C13orf42: variants seen among roughly 807,000 people sequenced by gnomAD.
C13orf42 encodes the protein uncharacterized protein C13orf42.
chr13:51,126,454 A>G (rs1439561666), intron 1 of C13orf42, among the ~76,000 whole-genome samples: 6 of 152,234 alleles, frequency 3.9e-5, no homozygotes, highest in Non-Finnish European at 8.8e-5. Flanking sequence ...GCAGGAGGGC[A>G]TATTAAAATT....
intron 1 of C13orf42, among the ~76,000 whole-genome samples, chr13:51,169,016 ATAAC>A (rs928509401): frequency 1.3e-5 from 2 of 152,230 alleles, no homozygotes; most frequent in Non-Finnish European, 2.9e-5. Flanking sequence ...TGCTTTATAA[ATAAC>A]CCAGTTTCGG....
At chr13:51,092,062 T>C (rs1953186015) in intron 1 of C13orf42, among the ~76,000 whole-genome samples, 4 of 152,330 alleles carry the variant, frequency 2.6e-5, no homozygotes, top group Middle Eastern at 6.8e-3. Flanking sequence ...ACTTTCCCAT[T>C]CTGATCTCTT....
At chr13:51,154,981 A>C (rs1447269772) in intron 1 of C13orf42, among the ~76,000 whole-genome samples, 1 of 152,320 alleles carries the variant, frequency 6.6e-6, no homozygotes, top group East Asian at 1.9e-4. Flanking sequence ...AGATGATCTT[A>C]GGTAGAACGT....
At chr13:51,086,503 TGA>T (rs375631116) in intron 2 of C13orf42, among the ~76,000 whole-genome samples, 18 of 150,546 alleles carry the variant, frequency 1.2e-4, no homozygotes, top group Admixed American at 4.6e-4. Flanking sequence ...AGTGTGTGTG[TGA>T]GAGAGAGAGT....
upstream of C13orf42, among the ~76,000 whole-genome samples, chr13:51,115,398 G>T (rs1003691668): frequency 1.3e-5 from 2 of 152,182 alleles, no homozygotes; most frequent in African/African-American, 4.8e-5. Flanking sequence ...TTCAGGCATG[G>T]ATTCAGGTGA....
chr13:51,137,996 T>A (rs957834306), intron 1 of C13orf42, among the ~76,000 whole-genome samples: 3 of 152,212 alleles, frequency 2.0e-5, no homozygotes, highest in Non-Finnish European at 4.4e-5. Context: ...TTCTATGGTG[T>A]AGAGGCAGGA....
chr13:51,113,736 G>A (rs966902412), upstream of C13orf42, among the ~76,000 whole-genome samples: 4 of 152,138 alleles, frequency 2.6e-5, no homozygotes, highest in African/African-American at 9.7e-5. Flanking sequence ...TAGCCACAAA[G>A]TGTATCACAA....
At chr13:51,140,941 C>T (rs1160177238) in intron 1 of C13orf42, among the ~76,000 whole-genome samples, 1 of 152,086 alleles carries the variant, frequency 6.6e-6, no homozygotes, top group Non-Finnish European at 1.5e-5. Flanking sequence ...ACACTTAGAC[C>T]GCTCAGAAAT....
intron 1 of C13orf42, among the ~76,000 whole-genome samples, chr13:51,147,304 T>A (rs1953743121): frequency 6.6e-6 from 1 of 152,180 alleles, no homozygotes; most frequent in African/African-American, 2.4e-5. Context: ...CAAATCCCGC[T>A]TTGGTGCCTG....
intron 1 of C13orf42, among the ~76,000 whole-genome samples, chr13:51,166,257 C>T (rs962434635): frequency 6.6e-6 from 1 of 151,412 alleles, no homozygotes; most frequent in Non-Finnish European, 1.5e-5. Context: ...GAATACTATG[C>T]AGCCATAAAA....
In C13orf42 at chr13:51,171,293, C is replaced by T. The variant is rs540525256; in HGVS notation, n.136+960G>A. Among the ~76,000 whole-genome samples the T allele has an allele frequency of 3.9e-4, 59 of 152,232 alleles. 1 individual carries two copies. Among genetic ancestry groups the T allele is most frequent in the Admixed American group, 1.8e-3 (27 of 15,298 alleles). On this transcript the variant is annotated intron_variant and non_coding_transcript_variant, in intron 1 of 4. Coordinates refer to the C13orf42 transcript ENST00000433280. The stretch of plus-strand genomic sequence containing the variant: ...GTAGTTCCAAATAGCCAGAAAATGG[C>T]ACTTTGAATTTTTCCATCCTGCAAA...
At chr13:51,159,865 G>A (rs540296304) in intron 1 of C13orf42, among the ~76,000 whole-genome samples, 1 of 152,354 alleles carries the variant, frequency 6.6e-6, no homozygotes, top group South Asian at 2.1e-4. Context: ...ACAAAAAGAG[G>A]TTTAATTGGA....
intron 1 of C13orf42, among the ~76,000 whole-genome samples, chr13:51,093,866 TA>T (rs1412951570): frequency 6.6e-6 from 1 of 152,202 alleles, no homozygotes; most frequent in Non-Finnish European, 1.5e-5. Context: ...ATAGTCTGTT[TA>T]GGAATGGCAG....
intron 1 of C13orf42, among the ~76,000 whole-genome samples, chr13:51,121,538 C>CTTTTTT (rs374108603): frequency 7.3e-6 from 1 of 137,822 alleles, no homozygotes; most frequent in Non-Finnish European, 1.5e-5. Flanking sequence ...AAAAAATTTT[C>CTTTTTT]TTTTTTTTTT....
In C13orf42 at chr13:51,083,412, T is replaced by C. The variant is rs1011410579; in HGVS notation, c.*739A>G. On this transcript the variant is annotated 3_prime_UTR_variant, in exon 4 of 4. Transcript: ENST00000563710. ...TGGTTCCATGGATATTTAAAAAGAT[T>C]TTTCTGGGTAAGAATTAGAAGAAAA... 4.6e-5 allele frequency: 7 copies of C among 152,172 alleles called. No homozygotes were observed. Among genetic ancestry groups the C allele is most frequent in the African/African-American group, 1.7e-4 (7 of 41,434 alleles). 9.4% of individuals were successfully genotyped at this position (152,172 alleles called of 1,614,324 possible).
chr13:51,132,780 C>T (rs1028024167), intron 1 of C13orf42, among the ~76,000 whole-genome samples: 15 of 152,090 alleles, frequency 9.9e-5, no homozygotes, highest in African/African-American at 3.6e-4. Context: ...TGCTGGGCCA[C>T]GTTCCCAGGA....
At chr13:51,120,922 G>A (rs1187882715) in intron 1 of C13orf42, among the ~76,000 whole-genome samples, 2 of 152,192 alleles carry the variant, frequency 1.3e-5, no homozygotes, top group African/African-American at 2.4e-5. Flanking sequence ...GCTGAGGCAG[G>A]AGAATCTCTT....
upstream of C13orf42, among the ~76,000 whole-genome samples, chr13:51,115,031 A>G (rs1651468496): frequency 6.6e-6 from 1 of 152,208 alleles, no homozygotes; most frequent in African/African-American, 2.4e-5. Context: ...ACAAAAATAA[A>G]TGAGATAATA....
chr13:51,122,558 AAAAAAAGGAAAAG>A (rs1953545202), intron 1 of C13orf42, among the ~76,000 whole-genome samples: 1 of 151,782 alleles, frequency 6.6e-6, no homozygotes, highest in African/African-American at 2.4e-5. Flanking sequence ...AAAAAGAAAG[AAAAAAAGGAAAAG>A]AAAGAAAGAG....
Sources: allele counts gnomAD v4.1 joint callset (sites outside exome capture counted in the v4.1 genomes callset), GRCh38; gene constraint gnomAD v4.1.1; transcripts MANE v1.5; gene names NCBI Gene and HGNC (gene_info 2026-07-23, HGNC 2026-07-21).